LRRC4C: variants seen among roughly 807,000 people sequenced by gnomAD.
The protein encoded by LRRC4C is leucine-rich repeat-containing protein 4C.
Under a neutral mutation model 33.6 loss-of-function variants are expected in LRRC4C, and 5 were observed. That is an observed-to-expected ratio of 0.15 (90% CI 0.08 to 0.31). The LOEUF is 0.31. Among genes scored for constraint, LRRC4C ranks in the 10% least tolerant of loss-of-function variants. LRRC4C has a pLI of 1.00. For missense variants in LRRC4C, 560 were observed against 796.7 expected (o/e 0.70, Z 3.58); for synonymous variants, 329 against 302.0 (o/e 1.09, Z -0.93).
At chr11:41,263,573 G>T (rs1476384544) in intron 1 of LRRC4C, among the ~76,000 whole-genome samples, 1 of 152,122 alleles carries the variant, frequency 6.6e-6, no homozygotes, top group Non-Finnish European at 1.5e-5. Flanking sequence ...AACAAGTAAG[G>T]TTTATACAGT....
chr11:40,458,235 T>G (rs1268584218), intron 3 of LRRC4C, among the ~76,000 whole-genome samples: 1 of 152,140 alleles, frequency 6.6e-6, no homozygotes, highest in Non-Finnish European at 1.5e-5. Flanking sequence ...TGTGTCTGTG[T>G]GCGTGCATGC....
chr11:40,674,027 C>T (rs1247976184), intron 2 of LRRC4C, among the ~76,000 whole-genome samples: 1 of 152,200 alleles, frequency 6.6e-6, no homozygotes, highest in Non-Finnish European at 1.5e-5. Flanking sequence ...TGCCATAAGG[C>T]ATTACCCCAG....
chr11:40,602,252 A>G (rs1960096731), intron 3 of LRRC4C, among the ~76,000 whole-genome samples: 2 of 151,890 alleles, frequency 1.3e-5, no homozygotes, highest in African/African-American at 4.8e-5. Flanking sequence ...AGGAACTTTA[A>G]TAGAGCTTTA....
intron 1 of LRRC4C, among the ~76,000 whole-genome samples, chr11:41,281,920 G>A (rs746886037): frequency 6.6e-6 from 1 of 152,168 alleles, no homozygotes; most frequent in Non-Finnish European, 1.5e-5. Flanking sequence ...TGGTACCATG[G>A]AGCACAAAAA....
At chr11:41,286,716 G>T (rs1392437220) in intron 1 of LRRC4C, among the ~76,000 whole-genome samples, 2 of 150,124 alleles carry the variant, frequency 1.3e-5, no homozygotes, top group Non-Finnish European at 1.5e-5. Context: ...TTTGCTTTTA[G>T]AATTGACATT....
rs57752272 is a variant in LRRC4C, at chr11:40,696,748, GTATATA to G, written c.-406-48476_-406-48471del. On this transcript the variant is annotated intron_variant, in intron 2 of 6. Transcript: ENST00000528697. ...GTCTCTGTGCATATATATACACTGT[GTATATA>G]TATATATATATATATATATATCTGA... Among the ~76,000 whole-genome samples, 134 of 125,886 alleles carry G rather than the reference GTATATA, an allele frequency of 1.1e-3. 3 individuals carry two copies. Among genetic ancestry groups the G allele is most frequent in the African/African-American group, 4.0e-3 (129 of 31,982 alleles). 82.6% of individuals were successfully genotyped at this position (125,886 alleles called of 152,430 possible).
intron 3 of LRRC4C, among the ~76,000 whole-genome samples, chr11:40,496,606 G>C (rs1019590405): frequency 6.6e-6 from 1 of 152,010 alleles, no homozygotes; most frequent in Non-Finnish European, 1.5e-5. Flanking sequence ...AGAAGCAAAA[G>C]GATCCCAATT....
intron 1 of LRRC4C, among the ~76,000 whole-genome samples, chr11:41,167,241 A>C (rs530385829): frequency 2.4e-4 from 36 of 152,296 alleles, no homozygotes; most frequent in Admixed American, 9.8e-4. Flanking sequence ...GGTATGCTTG[A>C]GTTGAAAACA....
chr11:40,892,794 A>G lies in LRRC4C; in HGVS notation c.-407+40841T>C, dbSNP rs560815290. 4.6e-5 allele frequency among the ~76,000 whole-genome samples: 7 copies of G among 152,306 alleles called. No individual in the cohort carries two copies. The East Asian group carries it at 1.4e-3, about 29-fold the overall frequency. On this transcript the variant is annotated intron_variant, in intron 2 of 6. Transcript: ENST00000528697. ...TACCAGCGGCTGGGGGCTGAATATA[A>G]GTTATTGTTTAATGAGTACAGAGTT...
intron 2 of LRRC4C, among the ~76,000 whole-genome samples, chr11:40,724,106 C>A (rs1300725898): frequency 6.6e-6 from 1 of 152,094 alleles, no homozygotes; most frequent in African/African-American, 2.4e-5. Context: ...CACCCAGGCT[C>A]ATAAAACAAG....
At chr11:40,898,196 A>G (rs1277895810) in intron 2 of LRRC4C, among the ~76,000 whole-genome samples, 1 of 151,690 alleles carries the variant, frequency 6.6e-6, no homozygotes, top group African/African-American at 2.4e-5. Flanking sequence ...CTCTACTAAA[A>G]ATACAAAATT....
At chr11:40,972,963 C>T (rs1225712237) in intron 1 of LRRC4C, among the ~76,000 whole-genome samples, 1 of 152,142 alleles carries the variant, frequency 6.6e-6, no homozygotes, top group East Asian at 1.9e-4. Flanking sequence ...TCATGTTTAA[C>T]ACCATCCCCC....
intron 5 of LRRC4C, among the ~76,000 whole-genome samples, chr11:40,221,211 C>T (rs994623464): frequency 6.6e-6 from 1 of 152,072 alleles, no homozygotes; most frequent in Non-Finnish European, 1.5e-5. Flanking sequence ...CTGTTTTCTC[C>T]CCTTAACACT....
chr11:40,311,650 A>C (rs571368858), intron 4 of LRRC4C, among the ~76,000 whole-genome samples: 1 of 152,308 alleles, frequency 6.6e-6, no homozygotes, highest in Non-Finnish European at 1.5e-5. Context: ...CACCACACTT[A>C]AAATGTGCTT....
At chr11:41,090,373 G>A (rs77932516) in intron 1 of LRRC4C, among the ~76,000 whole-genome samples, 11,269 of 151,826 alleles carry the variant, frequency 0.074, 448 homozygotes, top group Non-Finnish European at 0.096. Context: ...TTTATTTTTG[G>A]TTTTATCTCT....
At chr11:40,260,054 G>A (rs1217050592) in intron 4 of LRRC4C, among the ~76,000 whole-genome samples, 3 of 138,660 alleles carry the variant, frequency 2.2e-5, no homozygotes, top group Middle Eastern at 3.5e-3. Context: ...CCATTACTGG[G>A]TATATACCCA....
intron 2 of LRRC4C, among the ~76,000 whole-genome samples, chr11:40,700,717 A>G (rs907131788): frequency 3.3e-5 from 5 of 152,186 alleles, no homozygotes; most frequent in Admixed American, 2.6e-4. Flanking sequence ...ATGGAACCTC[A>G]TACAAATGCA....
At chr11:40,298,436 C>A (rs1944617001) in intron 4 of LRRC4C, among the ~76,000 whole-genome samples, 1 of 150,514 alleles carries the variant, frequency 6.6e-6, no homozygotes, top group African/African-American at 2.4e-5. Context: ...CTGGGCTCCA[C>A]CCCACATGCA....
intron 1 of LRRC4C, among the ~76,000 whole-genome samples, chr11:41,344,467 G>T (rs915273879): frequency 6.6e-6 from 1 of 152,044 alleles, no homozygotes; most frequent in South Asian, 2.1e-4. Context: ...TGATCCGCCC[G>T]CCTCGGCCTC....
Sources: allele counts gnomAD v4.1 joint callset (sites outside exome capture counted in the v4.1 genomes callset), GRCh38; gene constraint gnomAD v4.1.1; transcripts MANE v1.5; gene names NCBI Gene and HGNC (gene_info 2026-07-23, HGNC 2026-07-21).